Variants in SNX24 observed in about 807,000 individuals in gnomAD.
SNX24 encodes sorting nexin 24.
A neutral mutation model predicts 28.7 loss-of-function variants in SNX24; 22 were observed. The ratio of observed to expected loss-of-function variants is 0.77; its 90% CI spans 0.55 to 1.10. The LOEUF (loss-of-function observed/expected upper bound fraction) is 1.10, where lower values mean the gene tolerates loss of function less well. Among genes scored for constraint, SNX24 ranks in the 50% least tolerant of loss-of-function variants. SNX24 has a pLI of 0.00. For synonymous variants in SNX24, 69 were observed against 71.5 expected (o/e 0.96, Z 0.18); for missense variants, 221 against 201.1 (o/e 1.10, Z -0.60).
intron 1 of SNX24, among the ~76,000 whole-genome samples, chr5:122,913,085 C>G (rs246296): frequency 6.6e-6 from 1 of 152,232 alleles, no homozygotes; most frequent in Non-Finnish European, 1.5e-5. Context: ...TAGTACAGAA[C>G]AAAATGAAAA....
chr5:122,942,944 C>T (rs1170622558), intron 2 of SNX24, among the ~76,000 whole-genome samples: 1 of 152,072 alleles, frequency 6.6e-6, no homozygotes, highest in East Asian at 1.9e-4. Context: ...GCTAGATCTT[C>T]TAAATTTTTT....
chr5:123,007,157 G>T (rs1353505005), intron 6 of SNX24, among the ~76,000 whole-genome samples: 1 of 152,070 alleles, frequency 6.6e-6, no homozygotes, highest in Admixed American at 6.6e-5. Context: ...GCTTCTGTTG[G>T]AAATTTGCCC....
chr5:122,936,334 C>T (rs1190188054), intron 1 of SNX24, among the ~76,000 whole-genome samples: 2 of 152,104 alleles, frequency 1.3e-5, no homozygotes, highest in Non-Finnish European at 2.9e-5. Flanking sequence ...CGTTGAAATG[C>T]CCATAATGGA....
At chr5:122,997,573 C>A (rs1762094329) in intron 3 of SNX24, among the ~76,000 whole-genome samples, 1 of 152,142 alleles carries the variant, frequency 6.6e-6, no homozygotes, top group African/African-American at 2.4e-5. Context: ...TCTGTCAAGG[C>A]AAATAAACAA....
At chr5:122,864,191 T>G (rs1229479694) in intron 1 of SNX24, among the ~76,000 whole-genome samples, 1 of 151,970 alleles carries the variant, frequency 6.6e-6, no homozygotes, top group Non-Finnish European at 1.5e-5. Flanking sequence ...GTATCCCAAG[T>G]AAAAGATGAT....
intron 1 of SNX24, among the ~76,000 whole-genome samples, chr5:122,853,379 G>A (rs191566842): frequency 7.9e-5 from 12 of 151,952 alleles, no homozygotes; most frequent in East Asian, 1.9e-4. Context: ...CACCCGCCTC[G>A]GCCTCCCAAA....
At chr5:122,990,314 T>G (rs1761784304) in intron 3 of SNX24, among the ~76,000 whole-genome samples, 1 of 152,214 alleles carries the variant, frequency 6.6e-6, no homozygotes, top group South Asian at 2.1e-4. Context: ...AAATATATTG[T>G]TATAACCGAA....
chr5:123,005,964 TA>T (rs1762409636), intron 6 of SNX24, among the ~76,000 whole-genome samples: 1 of 152,206 alleles, frequency 6.6e-6, no homozygotes, highest in South Asian at 2.1e-4. Flanking sequence ...AGAGATTTTC[TA>T]AGATATAGTT....
chr5:123,017,233 A>G (rs893640944), intron 5 of SNX24, among the ~76,000 whole-genome samples: 3 of 152,076 alleles, frequency 2.0e-5, no homozygotes, highest in African/African-American at 7.2e-5. Flanking sequence ...AATGGTTTGC[A>G]GAGTGGATGC....
At position 123,001,392 on chromosome 5, in the gene SNX24, T is replaced by C; in HGVS notation, c.345-13T>C. Reference sequence around the variant, plus strand: ...GTGGTTTTTTTGTTTTTTTCCTTTTTCAAAACTTTTAGATCTTTTGATGAA... The same window carrying C: ...GTGGTTTTTTTGTTTTTTTCCTTTTCCAAAACTTTTAGATCTTTTGATGAA... On this transcript the variant is annotated splice_polypyrimidine_tract_variant and intron_variant, in intron 4 of 6. Transcript: ENST00000261369. 1 of 1,594,462 alleles carries C rather than the reference T, an allele frequency of 6.3e-7. No individual in the cohort carries two copies. Among genetic ancestry groups the C allele is most frequent in the Non-Finnish European group, 8.6e-7 (1 of 1,164,526 alleles).
intron 1 of SNX24, among the ~76,000 whole-genome samples, chr5:122,922,470 C>T (rs1343734782): frequency 6.6e-6 from 1 of 151,884 alleles, no homozygotes. Flanking sequence ...CCACGCTGGT[C>T]TCGAACTCCT....
chr5:122,932,157 C>G (rs1758983346), intron 1 of SNX24, among the ~76,000 whole-genome samples: 1 of 152,176 alleles, frequency 6.6e-6, no homozygotes, highest in Non-Finnish European at 1.5e-5. Context: ...ATTCTATTGA[C>G]TTAATAATGT....
intron 5 of SNX24, among the ~76,000 whole-genome samples, chr5:123,024,922 G>A (rs146914014): frequency 6.6e-6 from 1 of 152,296 alleles, no homozygotes; most frequent in African/African-American, 2.4e-5. Context: ...CACCTGTAAG[G>A]CAGAAATATT....
At chr5:122,997,368 A>C (rs974479489) in intron 3 of SNX24, among the ~76,000 whole-genome samples, 4 of 152,182 alleles carry the variant, frequency 2.6e-5, no homozygotes, top group Non-Finnish European at 5.9e-5. Flanking sequence ...AATTCATGCA[A>C]ATTTCTGGAG....
At chr5:122,881,796 A>T (rs1310491938) in intron 1 of SNX24, among the ~76,000 whole-genome samples, 2 of 150,614 alleles carry the variant, frequency 1.3e-5, no homozygotes, top group Non-Finnish European at 3.0e-5. Context: ...CTTTATCTAT[A>T]CTTCTATCTG....
At chr5:123,009,437 C>A (rs749390926), downstream of SNX24, among the ~76,000 whole-genome samples, 39 of 152,146 alleles carry the variant, frequency 2.6e-4, no homozygotes, top group African/African-American at 8.4e-4. Context: ...TTTGAAAAAA[C>A]CAAGTATCTA....
chr5:122,889,635 A>G (rs1012881759), intron 1 of SNX24, among the ~76,000 whole-genome samples: 1 of 148,120 alleles, frequency 6.8e-6, no homozygotes, highest in East Asian at 2.0e-4. Flanking sequence ...ACATATATAT[A>G]TATACACATA....
intron 1 of SNX24, among the ~76,000 whole-genome samples, chr5:122,909,519 A>G (rs1269795650): frequency 2.6e-5 from 4 of 152,228 alleles, no homozygotes; most frequent in Admixed American, 2.6e-4. Context: ...CAGAGTGGAA[A>G]GAGCTGTAAC....
At position 122,969,855 on chromosome 5, in the gene SNX24, G is replaced by C. The variant is rs375390099; in HGVS notation, c.249+23696G>C. 3.5e-3 allele frequency among the ~76,000 whole-genome samples: 527 copies of C among 152,144 alleles called. 4 individuals carry two copies. The highest frequency in any genetic ancestry group is 0.012 in the African/African-American group (493 of 41,496). On this transcript the variant is annotated intron_variant, in intron 3 of 6. Transcript: ENST00000261369. ...CACCCAGGGTGCTGCTTGTGGGCTT[G>C]CTTATTTCAGGCATTATTATTCTTT... is the stretch of plus-strand genomic sequence containing the variant.
Sources: allele counts gnomAD v4.1 joint callset (sites outside exome capture counted in the v4.1 genomes callset), GRCh38; gene constraint gnomAD v4.1.1; transcripts MANE v1.5; gene names NCBI Gene and HGNC (gene_info 2026-07-23, HGNC 2026-07-21).